FHDC1: variants seen among roughly 807,000 people sequenced by gnomAD.
The protein encoded by FHDC1 is FH2 domain-containing protein 1.
Under a neutral mutation model 52.6 loss-of-function variants are expected in FHDC1, and 25 were observed. The ratio of observed to expected loss-of-function variants is 0.48; its 90% CI spans 0.35 to 0.66. FHDC1 has a LOEUF of 0.66. FHDC1 is among the 30% of genes least tolerant of loss of function. The probability of loss-of-function intolerance (pLI) is 0.01; values close to 1 mark genes in which losing one functional copy is unlikely to be tolerated. For synonymous variants in FHDC1, 616 were observed against 581.5 expected, an observed-to-expected ratio of 1.06 and a Z score of -0.85; for missense variants, 1,459 against 1,452.8, an observed-to-expected ratio of 1.00 and a Z score of -0.07.
chr4:152,959,240 G>T (rs1444344893), intron 4 of FHDC1, among the ~76,000 whole-genome samples: 5 of 152,196 alleles, frequency 3.3e-5, no homozygotes, highest in African/African-American at 9.6e-5. Context: ...TTTGTTGGAT[G>T]ACTCTCTATT....
In FHDC1 at chr4:152,976,570, G is replaced by A; in HGVS notation, c.3279G>A (p.Arg1093=). 6.2e-7 allele frequency: 1 copy of A among 1,612,692 alleles called. No homozygotes were observed. Among genetic ancestry groups the A allele is most frequent in the Middle Eastern group, 1.7e-4 (1 of 6,036 alleles). Residue 1093 remains arginine, a synonymous_variant, in exon 12 of 12, where the codon CGG becomes CGA. Transcript: ENST00000511601. ...SSTLRRASSA[R]APKKRPESAE... ...CTTTGAGGCGAGCCAGCAGTGCCCG[G>A]GCCCCCAAGAAGCGCCCAGAGTCTG... is the stretch of plus-strand genomic sequence containing the variant.
chr4:152,962,586 A>G (rs1740311397), intron 6 of FHDC1, among the ~76,000 whole-genome samples: 1 of 152,254 alleles, frequency 6.6e-6, no homozygotes, highest in Non-Finnish European at 1.5e-5. Context: ...CTATTTAACT[A>G]TCATACCTAT....
intron 2 of FHDC1, among the ~76,000 whole-genome samples, chr4:152,946,977 G>C (rs1195485988): frequency 6.6e-6 from 1 of 152,156 alleles, no homozygotes; most frequent in East Asian, 1.9e-4. Context: ...CCAGCACTGT[G>C]GGAGGTCGAG....
upstream of FHDC1, among the ~76,000 whole-genome samples, chr4:152,936,033 C>A (rs1480502473): frequency 1.3e-5 from 2 of 151,968 alleles, no homozygotes; most frequent in Non-Finnish European, 2.9e-5. Context: ...CTCCTGCCGC[C>A]CCTACTTCTC....
chr4:152,948,233 T>C (rs985555034), intron 2 of FHDC1, among the ~76,000 whole-genome samples: 36 of 152,356 alleles, frequency 2.4e-4, no homozygotes, highest in African/African-American at 8.4e-4. Flanking sequence ...CTATGTAGTG[T>C]TACTCAAGTA....
chr4:152,913,718 G>T, the FHDC1 span, among the ~76,000 whole-genome samples: 1 of 151,886 alleles, frequency 6.6e-6, no homozygotes, highest in Non-Finnish European at 1.5e-5. Flanking sequence ...TTCACTCGTT[G>T]CCCAGGCTGC....
chr4:152,976,568 C>G lies in FHDC1; in HGVS notation c.3277C>G (p.Arg1093Gly), dbSNP rs768321683. The change falls in exon 12 of 12, where the codon CGG (arginine) becomes GGG (glycine). Residue 1093 changes from arginine to glycine, a missense_variant. Around this residue, in one of 3 missense-constraint regions of FHDC1, gnomAD observed 939 missense variants for 854.5 expected, o/e 1.10. Coordinates refer to ENST00000511601, the MANE Select transcript of FHDC1 (RefSeq NM_001371116.1). ...CACTTTGAGGCGAGCCAGCAGTGCC[C>G]GGGCCCCCAAGAAGCGCCCAGAGTC... Reference protein sequence around the residue: ...SSTLRRASSARAPKKRPESAE... With the variant: ...SSTLRRASSAGAPKKRPESAE... 1.2e-6 allele frequency: 2 copies of G among 1,612,582 alleles called. No homozygotes were observed. Among genetic ancestry groups the G allele is most frequent in the South Asian group, 2.2e-5 (2 of 91,008 alleles).
chr4:152,963,789 T>TTTTTTTTTTTTTTTG (rs1740367544), intron 8 of FHDC1, among the ~76,000 whole-genome samples: 1 of 141,660 alleles, frequency 7.1e-6, no homozygotes, highest in African/African-American at 2.7e-5. Flanking sequence ...TTTTTTTTTT[T>TTTTTTTTTTTTTTTG]TTTTTTTTTT....
At chr4:152,916,950 G>C in the FHDC1 span, 1 of 151,952 alleles carries the variant, frequency 6.6e-6, no homozygotes, top group African/African-American at 2.4e-5. Context: ...CGAAAAAATT[G>C]CTATATTTAC....
At position 152,975,008 on chromosome 4, in the gene FHDC1, C is replaced by T. The variant is rs77708442; in HGVS notation, c.1717C>T (p.Arg573Trp). 1.3e-3 allele frequency: 2,020 copies of T among 1,612,586 alleles called. 55 individuals carry two copies. The East Asian group carries it at 0.041, about 33-fold the overall frequency. The change falls in exon 12 of 12, where the codon CGG (arginine) becomes TGG (tryptophan). Residue 573 changes from arginine to tryptophan, a missense_variant. Physicochemically the swap from Arg to Trp is moderately radical, Grantham distance 101. Coordinates refer to ENST00000511601, the MANE Select transcript of FHDC1 (RefSeq NM_001371116.1). ...GCCCAATAAGTTCCACAGCCTGCCC[C>T]GGAGCAGCCCCCGGCAGGCCCGGCC... ...EEPNKFHSLP[R>W]SSPRQARPTI...
the FHDC1 span, among the ~76,000 whole-genome samples, chr4:152,919,003 A>G: frequency 1.3e-5 from 2 of 152,248 alleles, no homozygotes; most frequent in Non-Finnish European, 1.5e-5. Context: ...CTTCTGGCCC[A>G]TAGAAGCCTC....
chr4:152,978,979 C>G lies in FHDC1; in HGVS notation c.*2256C>G, dbSNP rs1439350213. ...GGAATCCTGAGCTGCTTTTCACCAT[C>G]TCAAGAAGCCTAAGAAGTTATATAT... On this transcript the variant is annotated 3_prime_UTR_variant, in exon 12 of 12. Coordinates refer to ENST00000511601, the MANE Select transcript of FHDC1 (RefSeq NM_001371116.1). 2.0e-5 allele frequency: 3 copies of G among 152,208 alleles called. No homozygotes were observed. The highest frequency in any genetic ancestry group is 4.4e-5 in the Non-Finnish European group (3 of 68,032). The allele number at this position is 152,208 out of a possible 1,614,324, so 9.4% of individuals were successfully genotyped here. A position where few individuals can be genotyped will look rare whatever the true frequency, so the allele number is the denominator to read the frequency against.
chr4:152,917,942 A>T, the FHDC1 span, among the ~76,000 whole-genome samples: 1 of 152,270 alleles, frequency 6.6e-6, no homozygotes, highest in Non-Finnish European at 1.5e-5. Flanking sequence ...ATTCGTTAGA[A>T]ATAGCAAATG....
rs770702475 is a variant in FHDC1 at position 152,975,148 on chromosome 4, G to T, written c.1857G>T (p.Ala619=). The stretch of plus-strand genomic sequence containing the variant: ...CCCCCAACCCACCCTCAGCACAGGC[G>T]CACCAGCTTGCAGCCGCCCAGCCTG... ...EEAPNPPSAQ[A]HQLAAAQPEN... Residue 619 remains alanine (A), a synonymous_variant, in exon 12 of 12, where the codon GCG becomes GCT. Coordinates refer to ENST00000511601, the MANE Select transcript of FHDC1 (RefSeq NM_001371116.1). 6.2e-7 allele frequency: 1 copy of T among 1,612,880 alleles called. No homozygotes were observed. Among genetic ancestry groups the T allele is most frequent in the South Asian group, 1.1e-5 (1 of 91,076 alleles).
At chr4:152,954,648 C>T (rs1296929220) in intron 4 of FHDC1, among the ~76,000 whole-genome samples, 1 of 151,930 alleles carries the variant, frequency 6.6e-6, no homozygotes. Flanking sequence ...GATCATGTCA[C>T]TGCACTTCAG....
At chr4:152,951,242 C>T (rs1218420313) in intron 2 of FHDC1, among the ~76,000 whole-genome samples, 1 of 152,164 alleles carries the variant, frequency 6.6e-6, no homozygotes, top group Non-Finnish European at 1.5e-5. Context: ...TTATGCATGG[C>T]CTTTTAATTT....
upstream of FHDC1, among the ~76,000 whole-genome samples, chr4:152,931,702 T>C (rs1739255216): frequency 6.6e-6 from 1 of 152,152 alleles, no homozygotes; most frequent in Admixed American, 6.5e-5. Flanking sequence ...GCAAATGTCA[T>C]TGATGCTACC....
intron 1 of FHDC1, 75 bp from the exon 2 acceptor site, chr4:152,942,853 A>G (rs991229747): frequency 8.7e-6 from 5 of 575,002 alleles, no homozygotes; most frequent in Middle Eastern, 4.5e-4. Flanking sequence ...GAGGATTGAT[A>G]CTAGCCTCTG....
At chr4:152,926,338 T>A in the FHDC1 span, among the ~76,000 whole-genome samples, 2 of 151,636 alleles carry the variant, frequency 1.3e-5, no homozygotes, top group African/African-American at 2.4e-5. Context: ...GGATGTTAGC[T>A]TTTAATTAAG....
Sources: allele counts gnomAD v4.1 joint callset (sites outside exome capture counted in the v4.1 genomes callset), GRCh38; gene constraint gnomAD v4.1.1; regional missense constraint gnomAD v4.1.1; transcripts MANE v1.5; gene names NCBI Gene and HGNC (gene_info 2026-07-23, HGNC 2026-07-21).